SYTL2: variants seen among roughly 807,000 people sequenced by gnomAD.
The protein encoded by SYTL2 is synaptotagmin-like protein 2.
Under a neutral mutation model 198.7 loss-of-function variants are expected in SYTL2, and 165 were observed. The ratio of observed to expected loss-of-function variants is 0.83; its 90% CI spans 0.73 to 0.94. The LOEUF is 0.94. Ranked by LOEUF, SYTL2 falls within the 40% of genes least tolerant of loss-of-function variation. The pLI is 0.00. For missense variants in SYTL2, 2,835 were observed against 2,582.8 expected (o/e 1.10, Z -2.12); for synonymous variants, 966 against 917.7 (o/e 1.05, Z -0.95).
chr11:85,728,355 C>T (rs2089455801), intron 7 of SYTL2, among the ~76,000 whole-genome samples: 1 of 152,140 alleles, frequency 6.6e-6, no homozygotes, highest in African/African-American at 2.4e-5. Flanking sequence ...GGCGGGATCT[C>T]GGCTCACTGC....
At chr11:85,770,258 C>G (rs2092328547) in intron 1 of SYTL2, among the ~76,000 whole-genome samples, 1 of 152,166 alleles carries the variant, frequency 6.6e-6, no homozygotes, top group Non-Finnish European at 1.5e-5. Context: ...CTTTCCTCTC[C>G]TCATCCTAAA....
At position 85,752,917 on chromosome 11, in the gene SYTL2, TAA is replaced by T. The variant is rs1162431708; in HGVS notation, c.102-4496_102-4495del. On this transcript the variant is annotated intron_variant, in intron 2 of 19. Coordinates refer to ENST00000359152, the MANE Select transcript of SYTL2 (RefSeq NM_206927.4). ...GTCCTTCAATGACAACTGCCTTCAT[TAA>T]AAAAAAAAAAAAAAAAAAAAAAAAA... 1.9e-3 allele frequency among the ~76,000 whole-genome samples: 34 copies of T among 17,714 alleles called. 1 individual carries two copies. The highest frequency in any genetic ancestry group is 5.6e-3 in the South Asian group (1 of 180). 11.6% of individuals were successfully genotyped at this position (17,714 alleles called of 152,430 possible).
At chr11:85,710,216 A>T (rs934612385) in intron 13 of SYTL2, among the ~76,000 whole-genome samples, 1 of 152,216 alleles carries the variant, frequency 6.6e-6, no homozygotes. Flanking sequence ...GGCACTAAAA[A>T]GGAATTTTAC....
At chr11:85,840,118 A>C in the SYTL2 span, among the ~76,000 whole-genome samples, 2 of 152,114 alleles carry the variant, frequency 1.3e-5, no homozygotes, top group Non-Finnish European at 2.9e-5. Flanking sequence ...TCTTTTGCCC[A>C]TTTCTTATCA....
chr11:85,816,775 G>T, the SYTL2 span, among the ~76,000 whole-genome samples: 1 of 152,030 alleles, frequency 6.6e-6, no homozygotes, highest in Non-Finnish European at 1.5e-5. Context: ...ATAGCTGGAC[G>T]TGGTGGCACA....
chr11:85,717,813 G>A, intron 10 of SYTL2: 1 of 466,952 alleles, frequency 2.1e-6, no homozygotes, highest in Non-Finnish European at 4.1e-6. Context: ...ACTGGACTAG[G>A]AGTAATGAAG....
intron 1 of SYTL2, among the ~76,000 whole-genome samples, chr11:85,810,382 C>T (rs72951311): frequency 5.5e-4 from 84 of 152,246 alleles, no homozygotes; most frequent in Non-Finnish European, 1.1e-3. Flanking sequence ...AGCCCTGTGT[C>T]TTAGACGCTA....
Position 85,725,842 on chromosome 11 carries a change from A to AG in SYTL2, c.3515dup (p.Gln1173SerfsTer7). On this transcript the variant is annotated frameshift_variant, in exon 8 of 20. Coordinates refer to ENST00000359152, the MANE Select transcript of SYTL2 (RefSeq NM_206927.4). LOFTEE classifies it high-confidence loss of function. ...CAGTATCAGCAAAATCTGTTTTTTG[A>AG]GGCCATGTCCTATTTTCAGAAACAC... 4 of 1,613,852 alleles carry AG rather than the reference A, an allele frequency of 2.5e-6. No homozygotes were observed. Among genetic ancestry groups the AG allele is most frequent in the Non-Finnish European group, 3.4e-6 (4 of 1,179,926 alleles).
chr11:85,755,084 CAATGG>C (rs1245773646), intron 2 of SYTL2, among the ~76,000 whole-genome samples: 3 of 152,122 alleles, frequency 2.0e-5, no homozygotes, highest in African/African-American at 7.2e-5. Flanking sequence ...AGACAAACAG[CAATGG>C]AATGGAAAAG....
intron 8 of SYTL2, among the ~76,000 whole-genome samples, chr11:85,722,248 G>A (rs1358412841): frequency 1.5e-5 from 2 of 136,858 alleles, no homozygotes; most frequent in Non-Finnish European, 3.0e-5. Flanking sequence ...GCGTGATCTC[G>A]ACTCACTGCA....
At chr11:85,704,121 G>T (rs2084772453) in intron 16 of SYTL2, among the ~76,000 whole-genome samples, 1 of 151,704 alleles carries the variant, frequency 6.6e-6, no homozygotes. Flanking sequence ...TTTTAAGACT[G>T]GAAAAACATC....
chr11:85,768,743 A>G (rs1274068840), intron 1 of SYTL2, among the ~76,000 whole-genome samples: 1 of 152,166 alleles, frequency 6.6e-6, no homozygotes, highest in African/African-American at 2.4e-5. Context: ...ACCTTTGAGG[A>G]GGGTTTTTTA....
In SYTL2 at chr11:85,719,010, T is replaced by A. The variant is rs577211824; in HGVS notation, c.5429-167A>T. 1.3e-5 allele frequency: 20 copies of A among 1,528,192 alleles called. No individual in the cohort carries two copies. The Admixed American group carries it at 3.0e-4, about 23-fold the overall frequency. The allele number at this position is 1,528,192 out of a possible 1,614,324, so 94.7% of individuals were successfully genotyped here. ...AATACTTTCTCTTTAGATTAGCTCC[T>A]TGAGCCAGTGCCATAGCGGGAGCTC... is the stretch of plus-strand genomic sequence containing the variant. On this transcript the variant is annotated intron_variant, in intron 9 of 19. Coordinates refer to ENST00000359152, the MANE Select transcript of SYTL2 (RefSeq NM_206927.4).
intron 1 of SYTL2, among the ~76,000 whole-genome samples, chr11:85,761,853 T>G (rs1372540309): frequency 6.6e-6 from 1 of 152,208 alleles, no homozygotes; most frequent in African/African-American, 2.4e-5. Context: ...GAGTTGCAGC[T>G]TTGCCACGTT....
At chr11:85,791,272 T>A (rs2060275926) in intron 1 of SYTL2, among the ~76,000 whole-genome samples, 1 of 151,068 alleles carries the variant, frequency 6.6e-6, no homozygotes, top group Non-Finnish European at 1.5e-5. Context: ...TGATTTAGAC[T>A]TTTAACTTAA....
At chr11:85,822,862 G>T in the SYTL2 span, among the ~76,000 whole-genome samples, 1 of 152,256 alleles carries the variant, frequency 6.6e-6, no homozygotes, top group Non-Finnish European at 1.5e-5. Flanking sequence ...GCATGCAAAA[G>T]GGAGGATGGA....
intron 3 of SYTL2, among the ~76,000 whole-genome samples, chr11:85,746,675 C>T (rs746329920): frequency 2.0e-5 from 3 of 152,160 alleles, no homozygotes; most frequent in Non-Finnish European, 2.9e-5. Context: ...GGTCCTGTTA[C>T]ATGTAAGCCT....
At chr11:85,743,961 C>G (rs1676297626) in intron 4 of SYTL2, among the ~76,000 whole-genome samples, 1 of 152,096 alleles carries the variant, frequency 6.6e-6, no homozygotes. Context: ...AAGAGCTTCT[C>G]TCAGCTTCTT....
At position 85,727,937 on chromosome 11, in the gene SYTL2, G is replaced by A; in HGVS notation, c.1421C>T (p.Pro474Leu). 1.4e-5 allele frequency: 23 copies of A among 1,611,906 alleles called. No individual in the cohort carries two copies. The highest frequency in any genetic ancestry group is 1.9e-5 in the Non-Finnish European group (22 of 1,179,314). ...DELSHCVEPE[P>L]SQVPGGSSRD... ...AGAACTGCCACCTGGCACCTGAGATGGCTCAGGCTCAACACAATGAGACAG... is the reference window on the plus strand; with the variant it reads ...AGAACTGCCACCTGGCACCTGAGATAGCTCAGGCTCAACACAATGAGACAG... Residue 474 changes from proline to leucine, a missense_variant, in exon 8 of 20, where the codon CCA becomes CTA. Pro to Leu is a moderately conservative substitution (Grantham distance 98). Transcript: ENST00000359152.
Sources: gnomAD v4.1 joint callset for allele counts (sites outside exome capture counted in the v4.1 genomes callset) on GRCh38, gnomAD v4.1.1 for gene constraint, MANE v1.5 for transcripts, NCBI Gene and HGNC (gene_info 2026-07-23, HGNC 2026-07-21) for gene names.